Variants in GAB3 observed in about 807,000 individuals in gnomAD.
The protein encoded by GAB3 is GRB2 associated binding protein 3.
GAB3 carries 12 observed loss-of-function variants against 40.4 expected under a neutral mutation model. That is an observed-to-expected ratio of 0.30 (90% CI 0.19 to 0.48). The LOEUF (loss-of-function observed/expected upper bound fraction) is 0.48. GAB3 is among the 20% of genes least tolerant of loss of function. GAB3 has a pLI of 0.99. For synonymous variants in GAB3, 154 were observed against 176.7 expected (o/e 0.87, Z 1.02); for missense variants, 381 against 461.9 (o/e 0.82, Z 1.61).
At chrX:154,707,926 T>A (rs1557254089) in intron 4 of GAB3, among the ~76,000 whole-genome samples, 1 of 111,622 alleles carries the variant, frequency 9.0e-6, no homozygotes, top group Admixed American at 9.5e-5. Flanking sequence ...TACACGGAAA[T>A]GTATTAATAA....
At position 154,719,805 on chromosome X, in the gene GAB3, G is replaced by A. The variant is rs184936251; in HGVS notation, c.73-3476C>T. On this transcript the variant is annotated intron_variant, in intron 1 of 9. Transcript: ENST00000424127. ...CAGGCTTCTGGAAAATGGAAGACAT[G>A]TGACAAAGCCCCTGAAAGCAGTCAG... Among the ~76,000 whole-genome samples the A allele has an allele frequency of 3.4e-3, 385 of 111,925 alleles. 1 individual carries two copies. The highest frequency in any genetic ancestry group is 6.0e-3 in the Non-Finnish European group (321 of 53,142).
In GAB3 at chrX:154,713,398, C is replaced by G; in HGVS notation, c.405G>C (p.Thr135=). The G allele has an allele frequency of 8.3e-7, 1 of 1,207,423 alleles. No homozygotes were observed. The highest frequency in any genetic ancestry group is 1.1e-6 in the Non-Finnish European group (1 of 893,984). ...AADSMESLSY[T]PSSLQPSSAS... is the part of the protein sequence containing the mutation. ...CAGAGGATGGCTGCAGGGAGGAGGG[C>G]GTGTAAGAGAGGCTCTCCATGGAAT... Residue 135 remains threonine (T), a synonymous_variant, in exon 3 of 10, where the codon ACG becomes ACC. Coordinates refer to ENST00000424127, the MANE Select transcript of GAB3 (RefSeq NM_001081573.3).
At position 154,705,799 on chromosome X, in the gene GAB3, C is replaced by A. The variant is rs936874993; in HGVS notation, c.1070-5740G>T. ...AAATTGGAAAAGAGGAAGACAAATT[C>A]TCTCTATTTGCACATGACATAATAT... On this transcript the variant is annotated intron_variant, in intron 4 of 9. Transcript: ENST00000424127. Among the ~76,000 whole-genome samples, 3 of 111,882 alleles carry A rather than the reference C, an allele frequency of 2.7e-5. No homozygotes were observed. In the East Asian group the frequency reaches 8.4e-4, roughly 31 times the overall value.
intron 8 of GAB3, among the ~76,000 whole-genome samples, chrX:154,684,540 T>C (rs1430553040): frequency 1.8e-5 from 2 of 112,059 alleles, no homozygotes; most frequent in African/African-American, 6.5e-5. Context: ...CTGTTCTTCA[T>C]TCTTAATATT....
chrX:154,746,692 T>C (rs782610988), intron 1 of GAB3, among the ~76,000 whole-genome samples: 137 of 112,711 alleles, frequency 1.2e-3, no homozygotes, highest in Non-Finnish European at 2.1e-3. Flanking sequence ...GTCATTTCTA[T>C]GCAACATTTA....
chrX:154,687,442 T>A (rs2070472623), intron 8 of GAB3, among the ~76,000 whole-genome samples: 1 of 109,243 alleles, frequency 9.2e-6, no homozygotes, highest in Non-Finnish European at 1.9e-5. Flanking sequence ...CCATCCTGGC[T>A]AACACGGTGA....
chrX:154,698,037 G>A (rs891335596), intron 6 of GAB3, among the ~76,000 whole-genome samples: 7 of 112,135 alleles, frequency 6.2e-5, no homozygotes, highest in Admixed American at 1.9e-4. Context: ...GTCCATTGTC[G>A]TGACAACTAG....
chrX:154,741,094 C>T (rs782654429), intron 1 of GAB3, among the ~76,000 whole-genome samples: 32 of 111,826 alleles, frequency 2.9e-4, no homozygotes, highest in African/African-American at 9.1e-4. Context: ...GCTATTCTCA[C>T]GATAGCAAAT....
In GAB3 at chrX:154,676,420, C is replaced by T. The variant is rs1409317458; in HGVS notation, c.*1758G>A. The T allele has an allele frequency of 2.7e-5, 3 of 111,328 alleles. No individual in the cohort carries two copies. Among genetic ancestry groups the T allele is most frequent in the Non-Finnish European group, 5.7e-5 (3 of 53,084 alleles). The allele number at this position is 111,328 out of a possible 1,213,427, so 9.2% of individuals were successfully genotyped here. The stretch of plus-strand genomic sequence containing the variant: ...ACATGGGGAAGAAGGCAGCTCCTCA[C>T]AGGCTCTGGCTGTGTGTGGTGATGC... On this transcript the variant is annotated 3_prime_UTR_variant, in exon 10 of 10. Coordinates refer to ENST00000424127, the MANE Select transcript of GAB3 (RefSeq NM_001081573.3).
At chrX:154,702,112 T>C (rs1014535783) in intron 4 of GAB3, among the ~76,000 whole-genome samples, 8 of 112,266 alleles carry the variant, frequency 7.1e-5, no homozygotes, top group Admixed American at 2.8e-4. Context: ...CTTCAAATTA[T>C]ACTACAGAGC....
At chrX:154,731,246 A>G (rs2071285832) in intron 1 of GAB3, among the ~76,000 whole-genome samples, 1 of 112,092 alleles carries the variant, frequency 8.9e-6, no homozygotes, top group Non-Finnish European at 1.9e-5. Flanking sequence ...GGTTGAAACC[A>G]TGGGCCAAAA....
At chrX:154,713,840 A>T (rs1168903004) in intron 2 of GAB3, among the ~76,000 whole-genome samples, 2 of 95,622 alleles carry the variant, frequency 2.1e-5, no homozygotes, top group East Asian at 6.9e-4. Context: ...ATATGTATGT[A>T]TACCTATACA....
chrX:154,738,313 G>A (rs782769647), intron 1 of GAB3, among the ~76,000 whole-genome samples: 6 of 112,584 alleles, frequency 5.3e-5, no homozygotes, highest in Admixed American at 1.9e-4. Context: ...AAATATACAG[G>A]ACAGTGAGGG....
At chrX:154,685,664 G>A (rs1435398085) in intron 8 of GAB3, among the ~76,000 whole-genome samples, 6 of 111,255 alleles carry the variant, frequency 5.4e-5, no homozygotes, top group African/African-American at 2.0e-4. Context: ...CCTTGATATT[G>A]AGTCTTATAA....
chrX:154,709,765 A>G (rs2070894899), intron 4 of GAB3, among the ~76,000 whole-genome samples: 1 of 111,986 alleles, frequency 8.9e-6, no homozygotes, highest in African/African-American at 3.3e-5. Context: ...CTCAGCCTTA[A>G]AAAGGAATGG....
chrX:154,716,322 C>A lies in GAB3; in HGVS notation c.80G>T (p.Arg27Leu), dbSNP rs782361857. Reference sequence around the variant, plus strand: ...TCGCCGGAGGACAAACCAGCGCTTGCGCCAGGCCTGCAGAAAGGCAATTCA... The same window carrying A: ...TCGCCGGAGGACAAACCAGCGCTTGAGCCAGGCCTGCAGAAAGGCAATTCA... ...PERKLQRYAW[R>L]KRWFVLRRGR... Residue 27 changes from arginine (R) to leucine (L), a missense_variant, in exon 2 of 10, where the codon CGC becomes CTC. Transcript: ENST00000424127. The A allele has an allele frequency of 1.7e-6, 2 of 1,205,357 alleles. No individual in the cohort carries two copies. Among genetic ancestry groups the A allele is most frequent in the Non-Finnish European group, 2.2e-6 (2 of 892,557 alleles).
chrX:154,706,758 AT>A (rs56993080), intron 4 of GAB3, among the ~76,000 whole-genome samples: 3 of 108,604 alleles, frequency 2.8e-5, no homozygotes, highest in East Asian at 2.9e-4. Context: ...AAAAAAAAAA[AT>A]TTTTTTTCAA....
chrX:154,707,283 C>T (rs983205837), intron 4 of GAB3, among the ~76,000 whole-genome samples: 16 of 111,228 alleles, frequency 1.4e-4, no homozygotes, highest in African/African-American at 4.9e-4. Context: ...GTTAGTTTAG[C>T]ACTAAAAAAA....
chrX:154,694,996 T>C (rs1237958235), intron 8 of GAB3, among the ~76,000 whole-genome samples: 5 of 112,437 alleles, frequency 4.4e-5, no homozygotes, highest in African/African-American at 1.6e-4. Context: ...AAATGAAGCA[T>C]TTAATTATAG....
Sources: allele counts gnomAD v4.1 joint callset (sites outside exome capture counted in the v4.1 genomes callset), GRCh38; gene constraint gnomAD v4.1.1; transcripts MANE v1.5; gene names NCBI Gene and HGNC (gene_info 2026-07-23, HGNC 2026-07-21).